The following RIPOR2 variants were observed in gnomAD, a reference collection of about 807,000 sequenced individuals.
The protein encoded by RIPOR2 is RHO family interacting cell polarization regulator 2.
RIPOR2 carries 39 observed loss-of-function variants against 114.5 expected under a neutral mutation model. That is an observed-to-expected ratio of 0.34 (90% confidence interval 0.26 to 0.44). The LOEUF is 0.44. RIPOR2 is among the 20% of genes least tolerant of loss of function. RIPOR2 has a pLI of 1.00. For synonymous variants in RIPOR2, 445 were observed against 484.4 expected (o/e 0.92, Z 1.07); for missense variants, 1,007 against 1,255.1 (o/e 0.80, Z 2.99).
chr6:24,852,105 C>T (rs1763012439), intron 9 of RIPOR2, among the ~76,000 whole-genome samples: 1 of 151,650 alleles, frequency 6.6e-6, no homozygotes, highest in Non-Finnish European at 1.5e-5. Context: ...ACTAAAAATA[C>T]AAAAAAATTA....
chr6:24,922,330 C>T (rs1215574553), intron 1 of RIPOR2, among the ~76,000 whole-genome samples: 1 of 152,152 alleles, frequency 6.6e-6, no homozygotes, highest in African/African-American at 2.4e-5. Context: ...GAATCCCATA[C>T]GTAACTCTCA....
Position 24,967,301 on chromosome 6 carries a change from C to T in RIPOR2, c.76+74550G>A, listed in dbSNP as rs563913779. Among the ~76,000 whole-genome samples, 121 of 152,288 alleles carry T rather than the reference C, an allele frequency of 7.9e-4. No individual in the cohort carries two copies. The Middle Eastern group carries it at 0.01, about 13-fold the overall frequency. The stretch of plus-strand genomic sequence containing the variant: ...AAGGAGACTATGTGGATGTGTGGAA[C>T]TGGTGAATAAGAAGAAGCATGTTGG... On this transcript the variant is annotated intron_variant, in intron 1 of 13. Transcript: ENST00000510784.
chr6:24,842,969 C>T lies in RIPOR2; in HGVS notation c.1750G>A (p.Glu584Lys). 6.5e-7 allele frequency: 1 copy of T among 1,548,314 alleles called. No individual in the cohort carries two copies. The highest frequency in any genetic ancestry group is 8.7e-7 in the Non-Finnish European group (1 of 1,148,420). ...AGTAAAAGCCCATTAAAAGCATCCT[C>T]TAAGCTTCCATCTAGAAAGGATCTG... Reference protein sequence around the residue: ...GCRSFLDGSLEDAFNGLLLAL... With the variant: ...GCRSFLDGSLKDAFNGLLLAL... The change falls in exon 13 of 22, where the codon GAG becomes AAG. Residue 584 changes from glutamate (E) to lysine (K), a missense_variant. Coordinates refer to ENST00000643898, the MANE Select transcript of RIPOR2 (RefSeq NM_001286445.3).
chr6:24,846,300 C>CTTTTTTTTTTTTTTTTTTTTT (rs1562253042), intron 12 of RIPOR2, among the ~76,000 whole-genome samples: 1 of 111,320 alleles, frequency 9.0e-6, no homozygotes. Context: ...TTTTCACCTG[C>CTTTTTTTTTTTTTTTTTTTTT]CTTTTTTTTT....
In RIPOR2 at chr6:24,861,046, G is replaced by C. The variant is rs1339776858; in HGVS notation, c.652-10C>G. Reference sequence around the variant, plus strand: ...CAATGGTGCACATATTCTGCAAAGAGGACAGGAGACGATCATGAGAGCTAG... The same window carrying C: ...CAATGGTGCACATATTCTGCAAAGACGACAGGAGACGATCATGAGAGCTAG... On this transcript the variant is annotated splice_polypyrimidine_tract_variant and intron_variant, in intron 7 of 21. Transcript: ENST00000643898. 1 of 1,602,526 alleles carries C rather than the reference G, an allele frequency of 6.2e-7. No homozygotes were observed. Among genetic ancestry groups the C allele is most frequent in the East Asian group, 2.2e-5 (1 of 44,750 alleles).
At chr6:24,868,905 G>A (rs1241254924) in intron 6 of RIPOR2, among the ~76,000 whole-genome samples, 189 bp downstream of exon 6, 2 of 152,158 alleles carry the variant, frequency 1.3e-5, no homozygotes, top group African/African-American at 4.8e-5. Flanking sequence ...AACTGTGCTG[G>A]GCCATCAGGC....
intron 1 of RIPOR2, among the ~76,000 whole-genome samples, chr6:24,916,850 G>C (rs1474796487): frequency 6.6e-6 from 1 of 152,152 alleles, no homozygotes; most frequent in East Asian, 1.9e-4. Context: ...CGGAGGTTCA[G>C]AAGTCAGTCC....
At chr6:24,977,948 G>A (rs1472817470) in intron 1 of RIPOR2, among the ~76,000 whole-genome samples, 1 of 152,182 alleles carries the variant, frequency 6.6e-6, no homozygotes, top group African/African-American at 2.4e-5. Flanking sequence ...GATAACACAA[G>A]GGCAGTCAGG....
At chr6:24,850,440 C>T (rs1036994266) in intron 10 of RIPOR2, among the ~76,000 whole-genome samples, 157 bp downstream of exon 10, 2 of 152,132 alleles carry the variant, frequency 1.3e-5, no homozygotes, top group Non-Finnish European at 2.9e-5. Context: ...ATTGACTTTA[C>T]TTACTCTGAT....
At chr6:24,961,289 T>G (rs779467029) in intron 1 of RIPOR2, among the ~76,000 whole-genome samples, 11 of 152,180 alleles carry the variant, frequency 7.2e-5, no homozygotes, top group Non-Finnish European at 1.2e-4. Context: ...GGATACTTGT[T>G]GGAGAAGGGA....
At position 24,883,772 on chromosome 6, in the gene RIPOR2, G is replaced by A. The variant is rs1301290278; in HGVS notation, c.62-7955C>T. ...TCGTGATTTGATCCTGTCTCCCAGC[G>A]AGGCTTCATAAGATGTAACACCTGC... On this transcript the variant is annotated intron_variant, in intron 1 of 21. Coordinates refer to ENST00000643898, the MANE Select transcript of RIPOR2 (RefSeq NM_001286445.3). This position sits in a 1 kb window ranked among gnomAD's most constrained non-coding sequence, Gnocchi z 4.1. Among the ~76,000 whole-genome samples the A allele has an allele frequency of 6.6e-6, 1 of 152,186 alleles. No homozygotes were observed. Among genetic ancestry groups the A allele is most frequent in the African/African-American group, 2.4e-5 (1 of 41,446 alleles).
intron 1 of RIPOR2, among the ~76,000 whole-genome samples, chr6:25,029,684 T>C (rs1331711958): frequency 6.6e-6 from 1 of 152,110 alleles, no homozygotes; most frequent in Non-Finnish European, 1.5e-5. Context: ...AAAAAAACTA[T>C]GTAGCCTTAC....
intron 1 of RIPOR2, among the ~76,000 whole-genome samples, chr6:24,974,236 A>G (rs1773928223): frequency 6.6e-6 from 1 of 151,966 alleles, no homozygotes. Context: ...AAAAAATAAG[A>G]TTAGCTGGAT....
In RIPOR2 at chr6:24,828,168, C is replaced by T. The variant is rs1422250566; in HGVS notation, c.2634G>A (p.Leu878=). 9 of 1,550,336 alleles carry T rather than the reference C, an allele frequency of 5.8e-6. No individual in the cohort carries two copies. The highest frequency in any genetic ancestry group is 6.1e-6 in the Non-Finnish European group (7 of 1,146,198). ...TGGCCAGCTGGCTCAGGTAACTCTC[C>T]AGGTCACTGACGCCGTGGCTGGTGA... ...SYFTSHGVSD[L]ESYLSQLARQ... Residue 878 remains leucine (L), a synonymous_variant, in exon 18 of 22, where the codon CTG becomes CTA. Coordinates refer to ENST00000643898, the MANE Select transcript of RIPOR2 (RefSeq NM_001286445.3).
intron 1 of RIPOR2, among the ~76,000 whole-genome samples, chr6:24,983,193 T>TACAC (rs5875016): frequency 0.21 from 31,142 of 147,090 alleles, 3,313 homozygotes; most frequent in Middle Eastern, 0.28. Flanking sequence ...GTTGAACACG[T>TACAC]ACACACACAC....
In RIPOR2 at chr6:24,817,974, C is replaced by CTTTTTTTTTT. The variant is rs1240119674; in HGVS notation, c.2952+567_2952+568insAAAAAAAAAA. 2.0e-3 allele frequency among the ~76,000 whole-genome samples: 62 copies of CTTTTTTTTTT among 31,788 alleles called. 1 individual carries two copies. The highest frequency in any genetic ancestry group is 3.8e-3 in the African/African-American group (54 of 14,120). The allele number at this position is 31,788 out of a possible 152,430, so 20.9% of individuals were successfully genotyped here. A position where few individuals can be genotyped will look rare whatever the true frequency, so the allele number is the denominator to read the frequency against. ...AGATATACTTTCCTTTTCTCTCTCTCTCTCTTTTTTTTTGAGACAGAGTCT... is the reference window on the plus strand; with the variant it reads ...AGATATACTTTCCTTTTCTCTCTCTCTTTTTTTTTTTCTCTTTTTTTTTGAGACAGAGTCT... On this transcript the variant is annotated intron_variant, in intron 20 of 21. Coordinates refer to ENST00000643898, the MANE Select transcript of RIPOR2 (RefSeq NM_001286445.3).
intron 1 of RIPOR2, among the ~76,000 whole-genome samples, chr6:24,957,683 C>T (rs1174437423): frequency 1.3e-5 from 2 of 152,136 alleles, no homozygotes; most frequent in Non-Finnish European, 2.9e-5. Flanking sequence ...ACCATCCTGG[C>T]TAACATGATG....
At chr6:24,927,117 T>TCACCACCACCACCACCACCACCACAAC (rs1561782327) in intron 1 of RIPOR2, among the ~76,000 whole-genome samples, 1 of 4,226 alleles carries the variant, frequency 2.4e-4, no homozygotes, top group Non-Finnish European at 4.3e-4. Context: ...ACCATGATTA[T>TCACCACCACCACCACCACCACCACAAC]TATAATCATC....
intron 1 of RIPOR2, among the ~76,000 whole-genome samples, chr6:24,963,317 G>A (rs772109406): frequency 6.6e-6 from 1 of 152,164 alleles, no homozygotes; most frequent in Non-Finnish European, 1.5e-5. Context: ...ACAGGCATGA[G>A]TCACCATGCC....
Sources: allele counts gnomAD v4.1 joint callset (sites outside exome capture counted in the v4.1 genomes callset), GRCh38; gene constraint gnomAD v4.1.1; non-coding constraint Gnocchi (gnomAD v3.1); transcripts MANE v1.5; gene names NCBI Gene and HGNC (gene_info 2026-07-23, HGNC 2026-07-21).